Variants in ZNF136 observed in about 807,000 individuals in gnomAD.
The protein encoded by ZNF136 is zinc finger protein 136 (clone pHZ-20).
ZNF136 carries 8 observed loss-of-function variants against 11.4 expected under a neutral mutation model. The ratio of observed to expected loss-of-function variants is 0.70; its 90% CI spans 0.41 to 1.27. The LOEUF (loss-of-function observed/expected upper bound fraction) is 1.27. ZNF136 is among the 50% of genes most tolerant of loss of function. ZNF136 has a pLI of 0.01. For synonymous variants in ZNF136, 190 were observed against 207.1 expected (o/e 0.92, Z 0.71); for missense variants, 590 against 656.5 (o/e 0.90, Z 1.11).
chr19:12,168,731 A>C (rs989121264), intron 1 of ZNF136, among the ~76,000 whole-genome samples: 33 of 151,808 alleles, frequency 2.2e-4, no homozygotes, highest in Non-Finnish European at 4.3e-4. Flanking sequence ...GCTGGAATGC[A>C]ATGGCAGGAT....
In ZNF136 at chr19:12,169,944, G is replaced by C. The variant is rs553936039; in HGVS notation, c.3+6738G>C. Among the ~76,000 whole-genome samples the C allele has an allele frequency of 1.2e-4, 19 of 152,194 alleles. No individual in the cohort carries two copies. In the South Asian group the frequency reaches 2.3e-3, roughly 18 times the overall value. The stretch of plus-strand genomic sequence containing the variant: ...CAAGTAGCTGGGACTACAGGCGCCT[G>C]CCACCACGTCCGGCTAATTTTTTGT... On this transcript the variant is annotated intron_variant, in intron 1 of 3. Transcript: ENST00000343979.
At position 12,175,447 on chromosome 19, in the gene ZNF136, A is replaced by G. The variant is rs563646651; in HGVS notation, c.4-10338A>G. Among the ~76,000 whole-genome samples, 342 of 152,202 alleles carry G rather than the reference A, an allele frequency of 2.2e-3. 3 individuals carry two copies. Among genetic ancestry groups the G allele is most frequent in the African/African-American group, 7.9e-3 (327 of 41,534 alleles). On this transcript the variant is annotated intron_variant, in intron 1 of 3. Transcript: ENST00000343979. ...TGACCTCAGGTGATCTGCCTGCCTC[A>G]GCCTCCCAAAGTGCTGGGATTACAG...
intron 1 of ZNF136, among the ~76,000 whole-genome samples, chr19:12,173,932 T>C (rs563373619): frequency 6.6e-6 from 1 of 151,904 alleles, no homozygotes; most frequent in East Asian, 1.9e-4. Flanking sequence ...TGAGACAGAG[T>C]TTCACTGTTG....
intron 1 of ZNF136, among the ~76,000 whole-genome samples, chr19:12,170,076 G>C (rs979466860): frequency 6.9e-6 from 1 of 145,010 alleles, no homozygotes; most frequent in African/African-American, 2.5e-5. Flanking sequence ...TTACAGGCGT[G>C]AGCCACCACG....
At chr19:12,180,736 A>G (rs1054857312) in intron 1 of ZNF136, among the ~76,000 whole-genome samples, 4 of 152,192 alleles carry the variant, frequency 2.6e-5, no homozygotes, top group Non-Finnish European at 4.4e-5. Flanking sequence ...GAGGTTAACA[A>G]TAATGATTCC....
At chr19:12,180,862 C>T (rs1028727200) in intron 1 of ZNF136, among the ~76,000 whole-genome samples, 1 of 152,214 alleles carries the variant, frequency 6.6e-6, no homozygotes, top group African/African-American at 2.4e-5. Context: ...GGAAGGCACA[C>T]CACTGCATAC....
Position 12,187,912 on chromosome 19 carries a change from G to C in ZNF136, c.1534G>C (p.Ala512Pro), listed in dbSNP as rs1033219752. 2.5e-6 allele frequency: 4 copies of C among 1,581,900 alleles called. No individual in the cohort carries two copies. Among genetic ancestry groups the C allele is most frequent in the Non-Finnish European group, 3.4e-6 (4 of 1,169,446 alleles). Residue 512 changes from alanine (A) to proline (P), a missense_variant, in exon 4 of 4, where the codon GCC becomes CCC. By Grantham distance (27) the Ala-to-Pro change is conservative. Transcript: ENST00000343979. ...CTATCATTGCAAGGAATGTGGGAAA[G>C]CCTATTCTTGCCGTGCCAGCTTTCA... ...KPYHCKECGK[A>P]YSCRASFQRH...
At chr19:12,174,315 A>G (rs1599454824) in intron 1 of ZNF136, among the ~76,000 whole-genome samples, 1 of 152,084 alleles carries the variant, frequency 6.6e-6, no homozygotes, top group Non-Finnish European at 1.5e-5. Flanking sequence ...TTTCACTTAG[A>G]TGATATGCAG....
At chr19:12,176,166 C>A (rs1183749821) in intron 1 of ZNF136, among the ~76,000 whole-genome samples, 1 of 152,096 alleles carries the variant, frequency 6.6e-6, no homozygotes, top group Non-Finnish European at 1.5e-5. Context: ...CCTAAATTTT[C>A]AGCTCATTTG....
chr19:12,181,461 G>T (rs1297901572), intron 1 of ZNF136, among the ~76,000 whole-genome samples: 1 of 149,952 alleles, frequency 6.7e-6, no homozygotes, highest in Non-Finnish European at 1.5e-5. Context: ...GTTTTGTTTT[G>T]TTTTTGCATT....
intron 1 of ZNF136, among the ~76,000 whole-genome samples, chr19:12,176,643 TCTC>T (rs1468779732): frequency 6.6e-6 from 1 of 152,068 alleles, no homozygotes; most frequent in African/African-American, 2.4e-5. Flanking sequence ...TGAGTATTAA[TCTC>T]CTTTTTTGTA....
chr19:12,178,787 G>A (rs951197582), intron 1 of ZNF136, among the ~76,000 whole-genome samples: 8 of 152,000 alleles, frequency 5.3e-5, no homozygotes, highest in African/African-American at 1.9e-4. Flanking sequence ...TCAGGAGATC[G>A]AGACCATCCT....
At position 12,187,469 on chromosome 19, in the gene ZNF136, A is replaced by G; in HGVS notation, c.1091A>G (p.Tyr364Cys). The G allele has an allele frequency of 2.5e-6, 4 of 1,614,016 alleles. No homozygotes were observed. The highest frequency in any genetic ancestry group is 3.4e-6 in the Non-Finnish European group (4 of 1,180,004). Residue 364 changes from tyrosine to cysteine, a missense_variant, in exon 4 of 4, where the codon TAT (tyrosine) becomes TGT (cysteine). By Grantham distance (194) the Tyr-to-Cys change is radical. Coordinates refer to ENST00000343979, the MANE Select transcript of ZNF136 (RefSeq NM_003437.5). ...HERTHTGEKPYECKECGEAFS... is the reference protein window; with the variant it reads ...HERTHTGEKPCECKECGEAFS... ...AGGACTCACACTGGAGAAAAACCTT[A>G]TGAATGTAAGGAATGTGGGGAAGCA...
At chr19:12,183,523 T>C (rs1046612904) in intron 1 of ZNF136, among the ~76,000 whole-genome samples, 1 of 152,230 alleles carries the variant, frequency 6.6e-6, no homozygotes, top group African/African-American at 2.4e-5. Context: ...GGAGAATCAC[T>C]CTTCATTATG....
At chr19:12,181,795 C>T (rs568679951) in intron 1 of ZNF136, among the ~76,000 whole-genome samples, 19 of 152,212 alleles carry the variant, frequency 1.2e-4, no homozygotes, top group South Asian at 4.1e-4. Flanking sequence ...CCACTACGCC[C>T]GGCTAATTTC....
chr19:12,164,177 G>A (rs958727898), intron 1 of ZNF136, among the ~76,000 whole-genome samples: 16 of 152,144 alleles, frequency 1.1e-4, no homozygotes, highest in Non-Finnish European at 2.2e-4. Flanking sequence ...AACCTCTGGG[G>A]GCACTCAGCT....
chr19:12,185,728 C>T (rs1915062292), intron 1 of ZNF136, 57 bp from the exon 2 acceptor site: 3 of 1,579,152 alleles, frequency 1.9e-6, no homozygotes, highest in African/African-American at 1.4e-5. Context: ...TTGAGTACAG[C>T]TCCCCAGCCC....
Position 12,186,419 on chromosome 19 carries a change from A to G in ZNF136, c.192-151A>G. ...TTGAGTGATAGTTGCGGTCAAGCCCATTGCAGAGCATTGAATTCATTCATG... is the reference window on the plus strand; with the variant it reads ...TTGAGTGATAGTTGCGGTCAAGCCCGTTGCAGAGCATTGAATTCATTCATG... On this transcript the variant is annotated intron_variant, in intron 3 of 3. Transcript: ENST00000343979. 4 of 794,710 alleles carry G rather than the reference A, an allele frequency of 5.0e-6. No individual in the cohort carries two copies. The South Asian group carries it at 7.7e-5, about 15-fold the overall frequency. 49.2% of individuals were successfully genotyped at this position (794,710 alleles called of 1,614,324 possible).
chr19:12,187,940 G>T lies in ZNF136; in HGVS notation c.1562G>T (p.Arg521Ile), dbSNP rs1915160889. ...TATTCTTGCCGTGCCAGCTTTCAGA[G>T]ACACATGTTAACACATGCTGAAGAT... Reference protein sequence around the residue: ...KAYSCRASFQRHMLTHAEDGP... With the variant: ...KAYSCRASFQIHMLTHAEDGP... The change falls in exon 4 of 4, where the codon AGA becomes ATA. Residue 521 changes from arginine to isoleucine, a missense_variant. Physicochemically the swap from Arg to Ile is moderately conservative, Grantham distance 97. Coordinates refer to ENST00000343979, the MANE Select transcript of ZNF136 (RefSeq NM_003437.5). The T allele has an allele frequency of 6.4e-7, 1 of 1,564,108 alleles. No homozygotes were observed. The highest frequency in any genetic ancestry group is 1.2e-5 in the South Asian group (1 of 80,876).
Sources: allele counts gnomAD v4.1 joint callset (sites outside exome capture counted in the v4.1 genomes callset), GRCh38; gene constraint gnomAD v4.1.1; transcripts MANE v1.5; gene names NCBI Gene and HGNC (gene_info 2026-07-23, HGNC 2026-07-21).